Variants in ADAP1 observed in about 807,000 individuals in gnomAD.
The protein encoded by ADAP1 is arf-GAP with dual PH domain-containing protein 1.
ADAP1 carries 31 observed loss-of-function variants against 54.9 expected under a neutral mutation model. That is an observed-to-expected ratio of 0.56 (90% CI 0.42 to 0.76). The LOEUF (loss-of-function observed/expected upper bound fraction) is 0.76. Among genes scored for constraint, ADAP1 ranks in the 30% least tolerant of loss-of-function variants. The pLI is 0.00. For missense variants in ADAP1, 535 were observed against 512.4 expected (o/e 1.04, Z -0.42); for synonymous variants, 313 against 202.6 (o/e 1.55, Z -4.63).
Position 904,246 on chromosome 7 carries a change from C to T in ADAP1, c.528G>A (p.Lys176=). The T allele has an allele frequency of 6.2e-7, 1 of 1,606,222 alleles. No individual in the cohort carries two copies. Among genetic ancestry groups the T allele is most frequent in the Non-Finnish European group, 8.5e-7 (1 of 1,176,394 alleles). Residue 176 remains lysine (K), a synonymous_variant, in exon 6 of 11, where the codon AAG becomes AAA. Transcript: ENST00000265846. ...GGAAGGTGGCGTTCAGGTGCTCGAT[C>T]TTCATCACGGCCTTGGGCTCCTTGG... ...NDAKEPKAVM[K]IEHLNATFQP...
At chr7:931,202 A>G (rs994825552) in intron 2 of ADAP1, among the ~76,000 whole-genome samples, 22 of 152,276 alleles carry the variant, frequency 1.4e-4, no homozygotes, top group African/African-American at 5.1e-4. Flanking sequence ...CTGCCTGGCC[A>G]GGGTGGGGAC....
intron 5 of ADAP1, among the ~76,000 whole-genome samples, chr7:904,746 C>T (rs1710435960): frequency 2.0e-5 from 3 of 152,230 alleles, no homozygotes; most frequent in Admixed American, 2.0e-4. Flanking sequence ...AAACTAGGGG[C>T]TTTCTGGGGT....
At chr7:914,819 G>A (rs1845865239) in intron 4 of ADAP1, among the ~76,000 whole-genome samples, 1 of 152,154 alleles carries the variant, frequency 6.6e-6, no homozygotes, top group African/African-American at 2.4e-5. Flanking sequence ...CCGCCTGCTG[G>A]TCCCCAGGCA....
chr7:905,162 C>G lies in ADAP1; in HGVS notation c.399G>C (p.Glu133Asp), dbSNP rs922004498. 2.5e-6 allele frequency: 4 copies of G among 1,611,766 alleles called. No homozygotes were observed. The African/African-American group carries it at 4.0e-5, about 16-fold the overall frequency. The change falls in exon 5 of 11, where the codon GAG (glutamate) becomes GAC (aspartate). Residue 133 changes from glutamate to aspartate, a missense_variant. Transcript: ENST00000265846. ...CCCGGCCACGCTTCCAGAGAAAACC[C>G]TCACGGTACCCTGTGGGGGAAAGGG... is the stretch of plus-strand genomic sequence containing the variant. ...KQEPYSAGYR[E>D]GFLWKRGRDN...
At chr7:935,677 C>T (rs553740438) in intron 1 of ADAP1, among the ~76,000 whole-genome samples, 172 bp from the exon 2 acceptor site, 37 of 151,746 alleles carry the variant, frequency 2.4e-4, no homozygotes, top group African/African-American at 8.5e-4. Flanking sequence ...CAGCTCCCCC[C>T]CCGCCCTCTG....
intron 1 of ADAP1, among the ~76,000 whole-genome samples, chr7:943,909 AATT>A (rs752174533): frequency 6.6e-6 from 1 of 151,128 alleles, no homozygotes; most frequent in Non-Finnish European, 1.5e-5. Flanking sequence ...ACCTCATCAG[AATT>A]ATTACTATTA....
intron 5 of ADAP1, 70 bp downstream of exon 5, chr7:904,990 A>T: frequency 7.3e-7 from 1 of 1,365,406 alleles, no homozygotes; most frequent in African/African-American, 1.4e-5. Context: ...CGGCCACCAC[A>T]GGCCCCAGTG....
chr7:928,041 C>A (rs1230738939), intron 2 of ADAP1, among the ~76,000 whole-genome samples: 15 of 128,950 alleles, frequency 1.2e-4, no homozygotes, highest in Non-Finnish European at 2.1e-4. Flanking sequence ...CATAGTGAGA[C>A]CCTGTCTCTC....
intron 4 of ADAP1, among the ~76,000 whole-genome samples, chr7:906,779 G>GGT (rs1845464306): frequency 7.0e-5 from 3 of 42,922 alleles, no homozygotes; most frequent in Non-Finnish European, 1.6e-4. Flanking sequence ...GGGGGACAGG[G>GGT]GACACGGGGG....
intron 4 of ADAP1, 142 bp from the exon 5 acceptor site, chr7:905,314 G>GGT (rs201301480): frequency 0.034 from 14,752 of 433,162 alleles, 1,700 homozygotes; most frequent in African/African-American, 0.085. Context: ...GAGACGGACG[G>GGT]GGAGAGGGGA....
chr7:923,920 G>A (rs1205609987), intron 3 of ADAP1, among the ~76,000 whole-genome samples: 2 of 152,144 alleles, frequency 1.3e-5, no homozygotes, highest in Non-Finnish European at 2.9e-5. Context: ...GTGGGAGGAA[G>A]GTGGACGAGT....
intron 4 of ADAP1, among the ~76,000 whole-genome samples, chr7:919,648 G>C (rs572060938): frequency 2.6e-5 from 3 of 116,784 alleles, no homozygotes; most frequent in East Asian, 2.6e-4. Context: ...GAGAAACAGA[G>C]ACACAGAGAG....
intron 2 of ADAP1, among the ~76,000 whole-genome samples, chr7:930,058 T>G (rs36020954): frequency 7.3e-6 from 1 of 136,970 alleles, no homozygotes; most frequent in East Asian, 2.2e-4. Flanking sequence ...GAGCTGTGAT[T>G]GAGCCACTGC....
rs879436146 is a variant in ADAP1 at position 938,941 on chromosome 7, C to T, written c.83-3436G>A. 2.0e-5 allele frequency among the ~76,000 whole-genome samples: 3 copies of T among 152,190 alleles called. No individual in the cohort carries two copies. The highest frequency in any genetic ancestry group is 7.2e-5 in the African/African-American group (3 of 41,436). On this transcript the variant is annotated intron_variant, in intron 1 of 10. Transcript: ENST00000265846. This position sits in a 1 kb window ranked among gnomAD's most constrained non-coding sequence, Gnocchi z 4.4. ...GCCCAGGGTCCAGAATGCCTGTGCC[C>T]ACCTCCAACCTCACTCGGGTGCTCC...
chr7:904,403 G>T (rs150190004), intron 5 of ADAP1, 131 bp from the exon 6 acceptor site: 2 of 1,208,558 alleles, frequency 1.7e-6, no homozygotes, highest in Non-Finnish European at 2.2e-6. Context: ...TTACTTAAGC[G>T]CTCTGAGCCT....
chr7:905,956 GAAAGGAGA>G, intron 4 of ADAP1, among the ~76,000 whole-genome samples: 10 of 424 alleles, frequency 0.024, 5 homozygotes, highest in African/African-American at 0.13. Flanking sequence ...GAGAAAGGGA[GAAAGGAGA>G]AAGGGAGAAA....
chr7:955,307 G>C, upstream of ADAP1: 1 of 1,550,132 alleles, frequency 6.5e-7, no homozygotes, highest in East Asian at 2.4e-5. Flanking sequence ...TCCCAGACTC[G>C]CGTGCCCTTC....
In ADAP1 at chr7:904,269, T is replaced by C; in HGVS notation, c.505A>G (p.Lys169Glu). ...ALKYFNRNDA[K>E]EPKAVMKIEH... ...ATCTTCATCACGGCCTTGGGCTCCT[T>C]GGCCTGAGAAGGGGTGGGGTCTAAG... Residue 169 changes from lysine (K) to glutamate (E), a missense_variant, in exon 6 of 11, where the codon AAG becomes GAG. Coordinates refer to ENST00000265846, the MANE Select transcript of ADAP1 (RefSeq NM_006869.4). 1 of 1,590,078 alleles carries C rather than the reference T, an allele frequency of 6.3e-7. No homozygotes were observed. Among genetic ancestry groups the C allele is most frequent in the Non-Finnish European group, 8.6e-7 (1 of 1,167,246 alleles).
At chr7:925,960 GAACA>G (rs1389636789) in intron 3 of ADAP1, among the ~76,000 whole-genome samples, 1 of 152,190 alleles carries the variant, frequency 6.6e-6, no homozygotes, top group African/African-American at 2.4e-5. Context: ...GGGTCGGTGC[GAACA>G]GTCAGGCTGG....
Sources: allele counts gnomAD v4.1 joint callset (sites outside exome capture counted in the v4.1 genomes callset), GRCh38; gene constraint gnomAD v4.1.1; non-coding constraint Gnocchi (gnomAD v3.1); transcripts MANE v1.5; gene names NCBI Gene and HGNC (gene_info 2026-07-23, HGNC 2026-07-21).